The following AK7 variants were observed in gnomAD, a reference collection of about 807,000 sequenced individuals.
AK7 encodes adenylate kinase 7.
A neutral mutation model predicts 96.6 loss-of-function variants in AK7; 78 were observed. The ratio of observed to expected loss-of-function variants is 0.81; its 90% CI spans 0.67 to 0.97. AK7 has a LOEUF of 0.97. Ranked by LOEUF, AK7 falls within the 50% of genes least tolerant of loss-of-function variation. The pLI, the probability that AK7 is intolerant of heterozygous loss-of-function variation, is 0.00. For missense variants in AK7, 855 were observed against 887.9 expected (o/e 0.96, Z 0.47); for synonymous variants, 302 against 317.2 (o/e 0.95, Z 0.51).
At chr14:96,478,954 G>A (rs1895351737) in intron 15 of AK7, among the ~76,000 whole-genome samples, 1 of 151,316 alleles carries the variant, frequency 6.6e-6, no homozygotes, top group African/African-American at 2.4e-5. Flanking sequence ...AGTTGCCCAA[G>A]CTGGAGTGCA....
chr14:96,487,146 CAG>C (rs1271998321), intron 17 of AK7, 90 bp downstream of exon 17: 11 of 1,377,842 alleles, frequency 8.0e-6, no homozygotes, highest in Middle Eastern at 1.8e-4. Context: ...AGGCCAAGGT[CAG>C]GGGATCACTT....
chr14:96,458,046 G>C (rs763080227), intron 11 of AK7, 37 bp from the exon 12 acceptor site: 2 of 1,605,202 alleles, frequency 1.2e-6, no homozygotes, highest in Non-Finnish European at 1.7e-6. Flanking sequence ...AATGGATGTG[G>C]GGCATCATCC....
chr14:96,400,848 T>C (rs1205628823), intron 2 of AK7, among the ~76,000 whole-genome samples: 1 of 152,086 alleles, frequency 6.6e-6, no homozygotes, highest in Non-Finnish European at 1.5e-5. Context: ...GGCTGAGGAG[T>C]ATCTGAAGCA....
At chr14:96,484,729 T>C (rs559980842) in intron 16 of AK7, among the ~76,000 whole-genome samples, 2 of 152,344 alleles carry the variant, frequency 1.3e-5, no homozygotes, top group East Asian at 3.9e-4. Flanking sequence ...TTAATTTTCC[T>C]CTTTGTACTT....
At chr14:96,413,225 C>T (rs1215833675) in intron 4 of AK7, among the ~76,000 whole-genome samples, 1 of 152,166 alleles carries the variant, frequency 6.6e-6, no homozygotes, top group Non-Finnish European at 1.5e-5. Flanking sequence ...CCCCACCAGC[C>T]ACACTGTGAG....
chr14:96,449,350 C>T (rs1380599614), intron 8 of AK7, among the ~76,000 whole-genome samples: 1 of 152,228 alleles, frequency 6.6e-6, no homozygotes, highest in Non-Finnish European at 1.5e-5. Context: ...GGGCCACACT[C>T]ATCGTTATCT....
chr14:96,488,454 G>T lies in AK7; in HGVS notation c.*111G>T. On this transcript the variant is annotated 3_prime_UTR_variant, in exon 18 of 18. Coordinates refer to ENST00000267584, the MANE Select transcript of AK7 (RefSeq NM_152327.5). The stretch of plus-strand genomic sequence containing the variant: ...CCAGTTCTTAGAAAATTCTTTTTTT[G>T]TAGACAAATATTCTATAAACTAGAA... 8.8e-6 allele frequency: 8 copies of T among 905,862 alleles called. No individual in the cohort carries two copies. The highest frequency in any genetic ancestry group is 1.3e-5 in the Non-Finnish European group (8 of 598,404). 56.1% of individuals were successfully genotyped at this position (905,862 alleles called of 1,614,324 possible).
At chr14:96,481,684 G>A (rs1895509393) in intron 15 of AK7, among the ~76,000 whole-genome samples, 1 of 150,162 alleles carries the variant, frequency 6.7e-6, no homozygotes, top group Admixed American at 6.7e-5. Context: ...GCAATGAGGA[G>A]CTACCGATAT....
chr14:96,458,256 T>C, intron 12 of AK7, 44 bp downstream of exon 12: 1 of 1,578,518 alleles, frequency 6.3e-7, no homozygotes, highest in Non-Finnish European at 8.6e-7. Flanking sequence ...TTGTGAACAG[T>C]GGCTATTTTT....
At chr14:96,430,532 A>G (rs939131188) in intron 5 of AK7, among the ~76,000 whole-genome samples, 3 of 152,132 alleles carry the variant, frequency 2.0e-5, no homozygotes. Flanking sequence ...ATCTATTGAG[A>G]TAATCATGTG....
intron 1 of AK7, among the ~76,000 whole-genome samples, chr14:96,397,434 A>G (rs1355640847): frequency 6.6e-6 from 1 of 152,108 alleles, no homozygotes; most frequent in Non-Finnish European, 1.5e-5. Flanking sequence ...TTTTTAGTAG[A>G]GACGAGGTTT....
chr14:96,457,585 C>G (rs902405967), intron 11 of AK7, among the ~76,000 whole-genome samples: 1 of 152,048 alleles, frequency 6.6e-6, no homozygotes, highest in Admixed American at 6.6e-5. Flanking sequence ...TAGTCTGCCT[C>G]CAGCTGTGGT....
At chr14:96,441,642 CAAA>C (rs34473287) in intron 6 of AK7, among the ~76,000 whole-genome samples, 1 of 91,502 alleles carries the variant, frequency 1.1e-5, no homozygotes, top group Non-Finnish European at 2.0e-5. Context: ...GACTCCGTCT[CAAA>C]AAAAAAAAAA....
intron 14 of AK7, 133 bp from the exon 15 acceptor site, chr14:96,478,332 C>A: frequency 1.2e-6 from 1 of 846,266 alleles, no homozygotes; most frequent in Non-Finnish European, 1.9e-6. Flanking sequence ...TGAGAGGCAG[C>A]AAAGCCAATT....
chr14:96,407,399 T>C (rs1269937092), intron 3 of AK7, among the ~76,000 whole-genome samples: 1 of 152,144 alleles, frequency 6.6e-6, no homozygotes, highest in Non-Finnish European at 1.5e-5. Flanking sequence ...TAACGCTTTC[T>C]CGTTTTAGGG....
At chr14:96,484,297 T>C (rs1306452638) in intron 16 of AK7, among the ~76,000 whole-genome samples, 3 of 152,144 alleles carry the variant, frequency 2.0e-5, no homozygotes, top group Non-Finnish European at 2.9e-5. Context: ...CCAAGCTCTC[T>C]ACTTCTGATC....
chr14:96,432,733 C>T (rs948849753), intron 5 of AK7, among the ~76,000 whole-genome samples: 1 of 151,648 alleles, frequency 6.6e-6, no homozygotes, highest in Non-Finnish European at 1.5e-5. Context: ...GCCTGTAATC[C>T]CAGCACTTTG....
rs754394795 is a variant in AK7, at chr14:96,446,574, T to C, written c.837T>C (p.Asp279=). ...AGCCTCACTACCTGGTTGCTGTGGA[T>C]GAGTCTGTTCATACCCTGGAAGACA... ...VPKPHYLVAV[D]ESVHTLEDIV... The change falls in exon 8 of 18, where the codon GAT becomes GAC. Residue 279 remains aspartate, a synonymous_variant. Coordinates refer to ENST00000267584, the MANE Select transcript of AK7 (RefSeq NM_152327.5). 2 of 1,614,164 alleles carry C rather than the reference T, an allele frequency of 1.2e-6. No individual in the cohort carries two copies. The highest frequency in any genetic ancestry group is 2.2e-5 in the South Asian group (2 of 91,082).
In AK7 at chr14:96,437,871, C is replaced by A; in HGVS notation, c.646C>A (p.Leu216Ile). The change falls in exon 6 of 18, where the codon CTC becomes ATC. Residue 216 changes from leucine to isoleucine, a missense_variant. Coordinates refer to ENST00000267584, the MANE Select transcript of AK7 (RefSeq NM_152327.5). ...KFAAYVVAAG[L>I]QYGAEGGMLH... ...TGCAGCATACGTAGTTGCTGCTGGA[C>A]TCCAGTATGGAGCGGAAGGAGGCAT... 1 of 1,613,444 alleles carries A rather than the reference C, an allele frequency of 6.2e-7. No homozygotes were observed. Among genetic ancestry groups the A allele is most frequent in the African/African-American group, 1.3e-5 (1 of 74,940 alleles).
Sources: allele counts gnomAD v4.1 joint callset (sites outside exome capture counted in the v4.1 genomes callset), GRCh38; gene constraint gnomAD v4.1.1; transcripts MANE v1.5; gene names NCBI Gene and HGNC (gene_info 2026-07-23, HGNC 2026-07-21).